Variants in CSMD2 observed in about 807,000 individuals in gnomAD.
CSMD2 encodes CUB and Sushi multiple domains 2, also known as CUB and sushi domain-containing protein 2.
Under a neutral mutation model 398.5 loss-of-function variants are expected in CSMD2, and 130 were observed. The observed-to-expected ratio is 0.33, with a 90% CI of 0.28 to 0.38. The LOEUF is 0.38. Among genes scored for constraint, CSMD2 ranks in the 10% least tolerant of loss-of-function variants. The pLI, the probability that CSMD2 is intolerant of heterozygous loss-of-function variation, is 1.00. For missense variants in CSMD2, 3,829 were observed against 4,764.9 expected (o/e 0.80, Z 5.78); for synonymous variants, 1,828 against 1,908.5 (o/e 0.96, Z 1.10).
chr1:34,158,910 T>G lies in CSMD2; in HGVS notation c.187+6001A>C, dbSNP rs573788771. On this transcript the variant is annotated intron_variant, in intron 1 of 70. Transcript: ENST00000373381. ...TGTCTACAAAGCATTTAACCAGCACTCGGTAAAGGAGAGCTATTATTATTG... is the reference window on the plus strand; with the variant it reads ...TGTCTACAAAGCATTTAACCAGCACGCGGTAAAGGAGAGCTATTATTATTG... 2.0e-5 allele frequency among the ~76,000 whole-genome samples: 3 copies of G among 152,306 alleles called. No homozygotes were observed. The East Asian group carries it at 5.8e-4, about 29-fold the overall frequency.
chr1:33,585,860 G>A (rs1011713696), intron 46 of CSMD2, among the ~76,000 whole-genome samples: 1 of 152,188 alleles, frequency 6.6e-6, no homozygotes, highest in Non-Finnish European at 1.5e-5. Context: ...TGCATGCCAG[G>A]CATCATTCTA....
At chr1:33,940,489 T>C (rs1054888493) in intron 3 of CSMD2, among the ~76,000 whole-genome samples, 1 of 151,896 alleles carries the variant, frequency 6.6e-6, no homozygotes, top group African/African-American at 2.4e-5. Flanking sequence ...ATTTTACTTT[T>C]AGTCCAGGAC....
chr1:33,915,535 C>G (rs1643678524), intron 5 of CSMD2, among the ~76,000 whole-genome samples: 1 of 152,216 alleles, frequency 6.6e-6, no homozygotes, highest in South Asian at 2.1e-4. Flanking sequence ...TCCTTCCCCA[C>G]TGAGTGACTT....
rs921469576 is a variant in CSMD2 at position 33,633,581 on chromosome 1, C to T, written c.5087-46G>A. The stretch of plus-strand genomic sequence containing the variant: ...GGGGACTGGGCAGGCACGCTGGGGG[C>T]AGGAGAGGGGATCTAGGGGTCTAGG... On this transcript the variant is annotated intron_variant, in intron 31 of 70. Transcript: ENST00000373381. This position sits in a 1 kb window ranked among gnomAD's most constrained non-coding sequence, Gnocchi z 5.0. 4.2e-6 allele frequency: 6 copies of T among 1,425,458 alleles called. No homozygotes were observed. The highest frequency in any genetic ancestry group is 5.8e-6 in the Non-Finnish European group (6 of 1,032,378). The allele number at this position is 1,425,458 out of a possible 1,614,324, so 88.3% of individuals were successfully genotyped here.
chr1:33,978,454 C>T (rs1025983943), intron 3 of CSMD2, among the ~76,000 whole-genome samples: 15 of 152,100 alleles, frequency 9.9e-5, no homozygotes, highest in African/African-American at 3.6e-4. Context: ...CACTCCAGGG[C>T]GAGAAAGATC....
intron 3 of CSMD2, among the ~76,000 whole-genome samples, chr1:33,957,929 CTGTGTG>C (rs72457395): frequency 0.28 from 42,519 of 150,086 alleles, 6,039 homozygotes; most frequent in Middle Eastern, 0.43. Flanking sequence ...AACTCAGTCA[CTGTGTG>C]TGTGTGTGTG....
chr1:33,557,835 G>T lies in CSMD2; in HGVS notation c.8642C>A (p.Thr2881Asn). The T allele has an allele frequency of 6.5e-7, 1 of 1,536,132 alleles. No homozygotes were observed. The highest frequency in any genetic ancestry group is 8.7e-7 in the Non-Finnish European group (1 of 1,146,894). ...SGPHRFSFGT[T>N]VSYRCNHGFY... ...GCCGTGGTTGCACCGGTAAGACACAGTGGTGCCGAAGCTGAACCTGTGCGG... is the reference window on the plus strand; with the variant it reads ...GCCGTGGTTGCACCGGTAAGACACATTGGTGCCGAAGCTGAACCTGTGCGG... The change falls in exon 55 of 71, where the codon ACT becomes AAT. Residue 2881 changes from threonine to asparagine, a missense_variant. Coordinates refer to ENST00000373381, the MANE Select transcript of CSMD2 (RefSeq NM_001281956.2).
intron 56 of CSMD2, among the ~76,000 whole-genome samples, chr1:33,548,608 A>G (rs1657134400): frequency 6.6e-6 from 1 of 152,242 alleles, no homozygotes; most frequent in Non-Finnish European, 1.5e-5. Context: ...ATGCCACTGC[A>G]AAAGACGACA....
chr1:33,809,071 C>T (rs1442999978), intron 10 of CSMD2, among the ~76,000 whole-genome samples: 1 of 151,762 alleles, frequency 6.6e-6, no homozygotes, highest in Non-Finnish European at 1.5e-5. Flanking sequence ...CACCAGACCA[C>T]GATAGTTTTG....
At chr1:33,792,386 G>C in intron 11 of CSMD2, 37 bp downstream of exon 11, 2 of 1,464,518 alleles carry the variant, frequency 1.4e-6, no homozygotes, top group Non-Finnish European at 1.9e-6. Context: ...CCCAGCCACC[G>C]TCCCACCTTC....
chr1:34,002,259 ATAT>A (rs1646927592), intron 3 of CSMD2, among the ~76,000 whole-genome samples: 1 of 152,208 alleles, frequency 6.6e-6, no homozygotes, highest in African/African-American at 2.4e-5. Context: ...AAAATATCTC[ATAT>A]TTATATTCTT....
At chr1:33,950,383 CAGAGAGAGAGAGAGAG>C (rs3045848) in intron 3 of CSMD2, among the ~76,000 whole-genome samples, 11 of 133,818 alleles carry the variant, frequency 8.2e-5, no homozygotes, top group African/African-American at 1.5e-4. Flanking sequence ...TCTCCTCCAG[CAGAGAGAGAGAGAGAG>C]AGAGAGAGAG....
intron 3 of CSMD2, among the ~76,000 whole-genome samples, chr1:33,975,765 G>A (rs928778950): frequency 9.2e-5 from 14 of 152,132 alleles, no homozygotes; most frequent in African/African-American, 1.7e-4. Context: ...TGGCCTGTGC[G>A]GATGCTCTCT....
At chr1:33,993,143 C>T (rs1646616693) in intron 3 of CSMD2, among the ~76,000 whole-genome samples, 1 of 152,008 alleles carries the variant, frequency 6.6e-6, no homozygotes, top group Non-Finnish European at 1.5e-5. Context: ...GATACATTTA[C>T]AGTGCTGTGA....
chr1:34,133,423 G>A (rs1322686852), intron 1 of CSMD2, among the ~76,000 whole-genome samples: 4 of 152,052 alleles, frequency 2.6e-5, no homozygotes, highest in African/African-American at 9.7e-5. Flanking sequence ...CTGAGGTCAG[G>A]AGTTCGAGAC....
intron 1 of CSMD2, among the ~76,000 whole-genome samples, chr1:34,153,228 G>C (rs1640495450): frequency 6.6e-6 from 1 of 152,134 alleles, no homozygotes; most frequent in African/African-American, 2.4e-5. Flanking sequence ...TGTTGGCCAG[G>C]CTGGTCTTGA....
intron 1 of CSMD2, among the ~76,000 whole-genome samples, chr1:34,158,508 T>C (rs1641013899): frequency 6.6e-6 from 1 of 152,136 alleles, no homozygotes; most frequent in African/African-American, 2.4e-5. Flanking sequence ...GTTGATGGGT[T>C]GAGTGAGGGG....
In CSMD2 at chr1:33,626,534, T is replaced by C; in HGVS notation, c.5248A>G (p.Ser1750Gly). 1 of 1,608,750 alleles carries C rather than the reference T, an allele frequency of 6.2e-7. No individual in the cohort carries two copies. Among genetic ancestry groups the C allele is most frequent in the Non-Finnish European group, 8.5e-7 (1 of 1,178,028 alleles). ...CTGGCTGGTGCGAGGCCTTTGGCGC[T>C]GAACTTAATGAGAACTTGATTGGAG... ...ATSNQVLIKF[S>G]AKGLAPARGF... Residue 1750 changes from serine to glycine, a missense_variant, in exon 33 of 71, where the codon AGC becomes GGC. Coordinates refer to ENST00000373381, the MANE Select transcript of CSMD2 (RefSeq NM_001281956.2).
At chr1:34,140,946 C>T (rs1639233175) in intron 1 of CSMD2, among the ~76,000 whole-genome samples, 1 of 152,088 alleles carries the variant, frequency 6.6e-6, no homozygotes, top group African/African-American at 2.4e-5. Flanking sequence ...CCTCCAGCCT[C>T]ACTTCCTGCA....
Sources: allele counts gnomAD v4.1 joint callset (sites outside exome capture counted in the v4.1 genomes callset), GRCh38; gene constraint gnomAD v4.1.1; non-coding constraint Gnocchi (gnomAD v3.1); transcripts MANE v1.5; gene names NCBI Gene and HGNC (gene_info 2026-07-23, HGNC 2026-07-21).